Variants in NCOR1 observed in about 807,000 individuals in gnomAD.
NCOR1 encodes the protein protein phosphatase 1, regulatory subunit 109.
Under a neutral mutation model 288.1 loss-of-function variants are expected in NCOR1, and 63 were observed. That is an observed-to-expected ratio of 0.22 (90% CI 0.18 to 0.27). NCOR1 has a LOEUF of 0.27. Among genes scored for constraint, NCOR1 ranks in the 10% least tolerant of loss-of-function variants. NCOR1 has a pLI of 1.00. For synonymous variants in NCOR1, 1,007 were observed against 1,065.9 expected (o/e 0.94, Z 1.08); for missense variants, 2,397 against 3,019.2 (o/e 0.79, Z 4.83).
In NCOR1 at chr17:16,065,436, T is replaced by C. The variant is rs60453431; in HGVS notation, c.4951+49A>G. ...TATTTACTGAGTACCTAAGAAACAC[T>C]AGGTAAACATAATAAATTCTACGAA... On this transcript the variant is annotated intron_variant, in intron 33 of 45. Transcript: ENST00000268712. The C allele has an allele frequency of 5.9e-3, 9,345 of 1,572,592 alleles. 459 individuals are homozygous for C. The African/African-American group carries it at 0.11, about 18-fold the overall frequency.
intron 10 of NCOR1, 51 bp from the exon 11 acceptor site, chr17:16,143,747 CAT>C (rs1568302871): frequency 9.1e-6 from 12 of 1,315,606 alleles, no homozygotes; most frequent in Admixed American, 4.4e-5. Context: ...TATATAAAGA[CAT>C]ATCAATTAAA....
At chr17:16,098,972 G>A (rs1211294932) in intron 20 of NCOR1, among the ~76,000 whole-genome samples, 1 of 152,176 alleles carries the variant, frequency 6.6e-6, no homozygotes, top group Admixed American at 6.5e-5. Context: ...CCTGTTAGAG[G>A]ATGTTTTATT....
At chr17:16,043,090 A>T (rs1478908720) in intron 42 of NCOR1, among the ~76,000 whole-genome samples, 1 of 152,252 alleles carries the variant, frequency 6.6e-6, no homozygotes, top group Non-Finnish European at 1.5e-5. Flanking sequence ...GAGAAGAAAC[A>T]GGAGAACATG....
At position 16,080,645 on chromosome 17, in the gene NCOR1, G is replaced by C. The variant is rs775968256; in HGVS notation, c.3260C>G (p.Ser1087Cys). ...ETPKPSVGSISLGLPRQQESA... is the reference protein window; with the variant it reads ...ETPKPSVGSICLGLPRQQESA... ...TTCCTGTTGCCGTGGCAGTCCAAGA[G>C]AGATAGATCCCACTGACGGCTTGGG... Residue 1087 changes from serine to cysteine, a missense_variant, in exon 24 of 46, where the codon TCT becomes TGT. Physicochemically the swap from Ser to Cys is moderately radical, Grantham distance 112 (BLOSUM62 -1). Coordinates refer to ENST00000268712, the MANE Select transcript of NCOR1 (RefSeq NM_006311.4). 3.1e-6 allele frequency: 5 copies of C among 1,614,094 alleles called. 1 individual carries two copies. In the South Asian group the frequency reaches 5.5e-5, roughly 18 times the overall value.
chr17:16,186,712 A>C (rs1449193070), intron 2 of NCOR1, 25 bp from the exon 3 acceptor site: 1 of 1,603,272 alleles, frequency 6.2e-7, no homozygotes, highest in East Asian at 2.2e-5. Flanking sequence ...ATCATAAATC[A>C]ATTATTAACC....
intron 9 of NCOR1, among the ~76,000 whole-genome samples, chr17:16,148,047 C>T (rs1478648560): frequency 6.6e-6 from 1 of 152,204 alleles, no homozygotes; most frequent in Non-Finnish European, 1.5e-5. Context: ...AAACTCCCGA[C>T]CTCAAGTGAT....
intron 18 of NCOR1, among the ~76,000 whole-genome samples, chr17:16,109,927 T>C (rs540047966): frequency 5.9e-5 from 9 of 152,226 alleles, no homozygotes; most frequent in African/African-American, 2.2e-4. Context: ...AGAGACGGGG[T>C]TTCACCATCT....
intron 42 of NCOR1, among the ~76,000 whole-genome samples, chr17:16,046,160 T>A (rs2058619262): frequency 6.6e-6 from 1 of 152,178 alleles, no homozygotes; most frequent in Admixed American, 6.5e-5. Context: ...TCAACTCAAG[T>A]CCACAAAGAC....
intron 10 of NCOR1, among the ~76,000 whole-genome samples, chr17:16,145,056 C>T (rs746233416): frequency 1.6e-4 from 25 of 152,246 alleles, no homozygotes; most frequent in East Asian, 5.8e-4. Flanking sequence ...CACGCCACCA[C>T]GCCTGACTGG....
At chr17:16,149,719 C>G (rs1415464857) in intron 8 of NCOR1, among the ~76,000 whole-genome samples, 2 of 152,118 alleles carry the variant, frequency 1.3e-5, no homozygotes, top group Admixed American at 6.5e-5. Context: ...AAGTTCCTCC[C>G]ATTCTACAGT....
chr17:16,180,708 AC>A (rs1350793886), intron 3 of NCOR1, among the ~76,000 whole-genome samples: 2 of 152,068 alleles, frequency 1.3e-5, no homozygotes, highest in African/African-American at 2.4e-5. Context: ...TGATCATGCC[AC>A]TGTACTCCAG....
At chr17:16,053,512 C>T (rs929495349) in intron 40 of NCOR1, among the ~76,000 whole-genome samples, 9 of 151,976 alleles carry the variant, frequency 5.9e-5, no homozygotes, top group Admixed American at 5.2e-4. Flanking sequence ...ACAAGGGGAA[C>T]TACAAAACAC....
In NCOR1 at chr17:16,103,646, A is replaced by G. The variant is rs80224048; in HGVS notation, c.2183-1889T>C. Among the ~76,000 whole-genome samples, 980 of 152,346 alleles carry G rather than the reference A, an allele frequency of 6.4e-3. 14 individuals carry two copies. Among genetic ancestry groups the G allele is most frequent in the African/African-American group, 0.023 (945 of 41,576 alleles). On this transcript the variant is annotated intron_variant, in intron 19 of 45. Coordinates refer to ENST00000268712, the MANE Select transcript of NCOR1 (RefSeq NM_006311.4). ...ATCTTCTACCACAGAGACTTTGTACATGCCATTCACCTTTACTGAAAGGCT... is the reference window on the plus strand; with the variant it reads ...ATCTTCTACCACAGAGACTTTGTACGTGCCATTCACCTTTACTGAAAGGCT...
chr17:16,184,169 T>C (rs1488650221), intron 3 of NCOR1, among the ~76,000 whole-genome samples: 1 of 152,194 alleles, frequency 6.6e-6, no homozygotes, highest in Non-Finnish European at 1.5e-5. Context: ...ACACCGACCT[T>C]GGCAATGATT....
chr17:16,099,464 G>A (rs567638304), intron 20 of NCOR1, among the ~76,000 whole-genome samples: 84 of 152,220 alleles, frequency 5.5e-4, no homozygotes, highest in Non-Finnish European at 9.7e-4. Flanking sequence ...GTGTTATTTC[G>A]GTCATTTGGG....
At chr17:16,140,424 G>T (rs994574542) in intron 11 of NCOR1, among the ~76,000 whole-genome samples, 1 of 152,188 alleles carries the variant, frequency 6.6e-6, no homozygotes, top group Non-Finnish European at 1.5e-5. Flanking sequence ...AGCACTTTTG[G>T]AGGCCAAGGC....
chr17:16,127,483 G>C (rs114021982), intron 14 of NCOR1, among the ~76,000 whole-genome samples: 3 of 140,984 alleles, frequency 2.1e-5, no homozygotes, highest in African/African-American at 5.6e-5. Flanking sequence ...ATATATACAC[G>C]TGTGTATATG....
intron 21 of NCOR1, among the ~76,000 whole-genome samples, chr17:16,097,603 G>C (rs1261124460): frequency 2.6e-5 from 4 of 152,310 alleles, no homozygotes; most frequent in East Asian, 3.9e-4. Flanking sequence ...GACCTAGATA[G>C]GAGACAGAAG....
chr17:16,099,854 G>A (rs1050864168), intron 20 of NCOR1, among the ~76,000 whole-genome samples: 17 of 152,106 alleles, frequency 1.1e-4, no homozygotes, highest in African/African-American at 3.6e-4. Context: ...TTCAATTCAT[G>A]CTGATGAAAA....
Sources: allele counts gnomAD v4.1 joint callset (sites outside exome capture counted in the v4.1 genomes callset), GRCh38; gene constraint gnomAD v4.1.1; transcripts MANE v1.5; gene names NCBI Gene and HGNC (gene_info 2026-07-23, HGNC 2026-07-21).